FBXL20: variants seen among roughly 807,000 people sequenced by gnomAD.
The protein encoded by FBXL20 is F-box and leucine rich repeat protein 20.
In FBXL20, 11 loss-of-function variants were observed where a neutral mutation model predicts 64.0. That is an observed-to-expected ratio of 0.17 (90% CI 0.11 to 0.28). The LOEUF is 0.28. Ranked by LOEUF, FBXL20 falls within the 10% of genes least tolerant of loss-of-function variation. The pLI, the probability that FBXL20 is intolerant of heterozygous loss-of-function variation, is 1.00. For missense variants in FBXL20, 303 were observed against 526.2 expected, an observed-to-expected ratio of 0.58 and a Z score of 4.15; for synonymous variants, 184 against 189.0, an observed-to-expected ratio of 0.97 and a Z score of 0.22.
chr17:39,337,242 C>A (rs919200133), intron 2 of FBXL20, among the ~76,000 whole-genome samples: 1 of 152,242 alleles, frequency 6.6e-6, no homozygotes, highest in African/African-American at 2.4e-5. Flanking sequence ...CCAGCCTCGG[C>A]CTCCCAAGGT....
At chr17:39,377,395 G>A (rs2047977227) in intron 1 of FBXL20, among the ~76,000 whole-genome samples, 4 of 152,094 alleles carry the variant, frequency 2.6e-5, no homozygotes, top group Admixed American at 2.0e-4. Context: ...CCAAATGCTC[G>A]GGGGTGGGGT....
At chr17:39,344,474 G>A (rs545541643) in intron 1 of FBXL20, among the ~76,000 whole-genome samples, 6 of 152,000 alleles carry the variant, frequency 3.9e-5, no homozygotes, top group Non-Finnish European at 8.8e-5. Context: ...GGAGATGTTC[G>A]GAAATCTGGA....
chr17:39,267,045 G>A (rs2046798110), intron 12 of FBXL20, among the ~76,000 whole-genome samples: 1 of 152,040 alleles, frequency 6.6e-6, no homozygotes, highest in Non-Finnish European at 1.5e-5. Context: ...CTGAAGTCAG[G>A]AGTTCGAGAC....
At chr17:39,348,082 T>A (rs1283594443) in intron 1 of FBXL20, among the ~76,000 whole-genome samples, 1 of 124,596 alleles carries the variant, frequency 8.0e-6, no homozygotes, top group Non-Finnish European at 1.6e-5. Context: ...AAGGTTGGGT[T>A]CGTCTTTTTT....
chr17:39,387,570 C>T (rs1341934649), intron 1 of FBXL20, among the ~76,000 whole-genome samples: 5 of 150,088 alleles, frequency 3.3e-5, no homozygotes, highest in African/African-American at 7.4e-5. Flanking sequence ...TGTGCCACAG[C>T]GCCCAATCTT....
intron 12 of FBXL20, among the ~76,000 whole-genome samples, chr17:39,268,161 G>A (rs1178054337): frequency 6.6e-6 from 1 of 152,016 alleles, no homozygotes; most frequent in Non-Finnish European, 1.5e-5. Context: ...AAACCAGCCT[G>A]GCCAACACAG....
At chr17:39,350,707 A>G (rs553871413) in intron 1 of FBXL20, among the ~76,000 whole-genome samples, 1 of 152,186 alleles carries the variant, frequency 6.6e-6, no homozygotes, top group Non-Finnish European at 1.5e-5. Context: ...TCTTCTGCAC[A>G]TAAGTCTCCT....
intron 2 of FBXL20, among the ~76,000 whole-genome samples, chr17:39,322,642 G>GT (rs2144517076): frequency 6.6e-6 from 1 of 152,182 alleles, no homozygotes; most frequent in African/African-American, 2.4e-5. Context: ...ACTACTGGGG[G>GT]TTGTGAGAAT....
chr17:39,289,998 CAAAAAAAAAAAAAA>C (rs368530587), intron 6 of FBXL20, among the ~76,000 whole-genome samples: 6 of 41,838 alleles, frequency 1.4e-4, no homozygotes, highest in African/African-American at 1.5e-4. Context: ...GACTCAGTCT[CAAAAAAAAAAAAAA>C]AAAAAAAAAA....
chr17:39,363,874 G>T (rs1436197010), intron 1 of FBXL20, among the ~76,000 whole-genome samples: 1 of 122,816 alleles, frequency 8.1e-6, no homozygotes. Context: ...GAAACCCAAT[G>T]AATCATATCT....
intron 1 of FBXL20, among the ~76,000 whole-genome samples, chr17:39,392,226 G>C (rs2048140858): frequency 6.6e-6 from 1 of 152,096 alleles, no homozygotes; most frequent in African/African-American, 2.4e-5. Context: ...GATCACCTGA[G>C]ATCAGGAGTT....
At chr17:39,262,304 TAG>T (rs1448993358) in intron 14 of FBXL20, among the ~76,000 whole-genome samples, 2 of 152,196 alleles carry the variant, frequency 1.3e-5, no homozygotes, top group East Asian at 1.9e-4. Flanking sequence ...TTTTTTGAGA[TAG>T]AGTTTCATCT....
intron 10 of FBXL20, among the ~76,000 whole-genome samples, chr17:39,271,641 T>A (rs1229267644): frequency 6.8e-6 from 1 of 147,300 alleles, no homozygotes; most frequent in Non-Finnish European, 1.5e-5. Context: ...GGGGATTGCT[T>A]AATTACAGGT....
chr17:39,261,656 A>C, intron 14 of FBXL20, 89 bp from the exon 15 acceptor site: 3 of 937,596 alleles, frequency 3.2e-6, no homozygotes, highest in Non-Finnish European at 5.0e-6. Flanking sequence ...CGAGGGGCTC[A>C]ATGAACATAA....
chr17:39,373,502 C>A (rs890529106), intron 1 of FBXL20, among the ~76,000 whole-genome samples: 1 of 152,138 alleles, frequency 6.6e-6, no homozygotes, highest in Admixed American at 6.6e-5. Context: ...GATCTTCCAA[C>A]CTGGTTTCTT....
intron 6 of FBXL20, among the ~76,000 whole-genome samples, chr17:39,293,450 T>TTACCACGTGATCCGACCGACC (rs1274738814): frequency 6.6e-6 from 1 of 152,046 alleles, no homozygotes; most frequent in Non-Finnish European, 1.5e-5. Flanking sequence ...CTTGAACTCC[T>TTACCACGTGATCCGACCGACC]GACTTCAGGT....
chr17:39,399,155 C>T (rs1470679799), intron 1 of FBXL20, among the ~76,000 whole-genome samples: 1 of 152,068 alleles, frequency 6.6e-6, no homozygotes, highest in Admixed American at 6.6e-5. Flanking sequence ...CTTACGTAGC[C>T]ACAATTTGAA....
intron 1 of FBXL20, among the ~76,000 whole-genome samples, chr17:39,400,587 T>C (rs2048231639): frequency 6.6e-6 from 1 of 152,150 alleles, no homozygotes; most frequent in South Asian, 2.1e-4. Context: ...ATATTTCACT[T>C]CCCAAAGGAA....
intron 6 of FBXL20, among the ~76,000 whole-genome samples, chr17:39,291,249 C>T (rs763280044): frequency 6.6e-6 from 1 of 151,970 alleles, no homozygotes; most frequent in Admixed American, 6.6e-5. Context: ...CACTAGCCAC[C>T]GCGCCCGGCC....
Sources: gnomAD v4.1 joint callset for allele counts (sites outside exome capture counted in the v4.1 genomes callset) on GRCh38, gnomAD v4.1.1 for gene constraint, MANE v1.5 for transcripts, NCBI Gene and HGNC (gene_info 2026-07-23, HGNC 2026-07-21) for gene names.